The following RMND5A variants were observed in gnomAD, a reference collection of about 807,000 sequenced individuals.
RMND5A encodes E3 ubiquitin-protein transferase RMND5A.
RMND5A carries 17 observed loss-of-function variants against 49.7 expected under a neutral mutation model. The ratio of observed to expected loss-of-function variants is 0.34; its 90% CI spans 0.23 to 0.51. The LOEUF is 0.51. RMND5A is among the 20% of genes least tolerant of loss of function. RMND5A has a pLI of 0.96. For synonymous variants in RMND5A, 156 were observed against 167.7 expected, an observed-to-expected ratio of 0.93 and a Z score of 0.54; for missense variants, 255 against 471.3, an observed-to-expected ratio of 0.54 and a Z score of 4.25.
intron 7 of RMND5A, among the ~76,000 whole-genome samples, chr2:86,771,014 C>T (rs1446580198): frequency 6.6e-6 from 1 of 152,202 alleles, no homozygotes; most frequent in Non-Finnish European, 1.5e-5. Context: ...GTTCTTCCAG[C>T]AGGTAACCCT....
intron 2 of RMND5A, among the ~76,000 whole-genome samples, chr2:86,742,760 G>C (rs2104390302): frequency 6.6e-6 from 1 of 150,648 alleles, no homozygotes; most frequent in South Asian, 2.1e-4. Context: ...AAGTTCTTGG[G>C]GACATCTGCT....
intron 2 of RMND5A, among the ~76,000 whole-genome samples, chr2:86,750,941 ATTGT>A (rs1558722542): frequency 6.6e-6 from 1 of 151,746 alleles, no homozygotes; most frequent in South Asian, 2.1e-4. Context: ...TTGTTTCAAG[ATTGT>A]TTGTATTTTT....
At chr2:86,744,135 T>C (rs538469518) in intron 2 of RMND5A, among the ~76,000 whole-genome samples, 1 of 152,164 alleles carries the variant, frequency 6.6e-6, no homozygotes, top group African/African-American at 2.4e-5. Context: ...ATTTTTGGCA[T>C]CTACTTGGCC....
rs376049506 is a variant in RMND5A at position 86,758,360 on chromosome 2, A to G, written c.521+4802A>G. Among the ~76,000 whole-genome samples, 4 of 152,108 alleles carry G rather than the reference A, an allele frequency of 2.6e-5. No homozygotes were observed. The South Asian group carries it at 8.3e-4, about 32-fold the overall frequency. ...TATTTGCCTATATCAGAGCATATAG[A>G]ACTATTTTTTTTTTTTGGTGGCTGC... On this transcript the variant is annotated intron_variant, in intron 4 of 8. Transcript: ENST00000283632.
chr2:86,736,436 G>A (rs1358833116), intron 1 of RMND5A, among the ~76,000 whole-genome samples: 6 of 95,492 alleles, frequency 6.3e-5, no homozygotes, highest in Non-Finnish European at 2.5e-5. Flanking sequence ...CACCCACCTC[G>A]GGCTCCCAAA....
chr2:86,743,275 C>T (rs938929185), intron 2 of RMND5A, among the ~76,000 whole-genome samples: 5 of 151,862 alleles, frequency 3.3e-5, no homozygotes, highest in Admixed American at 3.3e-4. Flanking sequence ...AATGAATAAT[C>T]TACATTCTGG....
intron 4 of RMND5A, among the ~76,000 whole-genome samples, chr2:86,760,502 C>G (rs1047081398): frequency 1.3e-5 from 2 of 152,178 alleles, no homozygotes; most frequent in Non-Finnish European, 2.9e-5. Flanking sequence ...GTATAAAATA[C>G]AGACTTCTCT....
chr2:86,766,491 C>G lies in RMND5A; in HGVS notation c.854+467C>G, dbSNP rs536040427. Among the ~76,000 whole-genome samples the G allele has an allele frequency of 2.6e-5, 4 of 151,980 alleles. No homozygotes were observed. The South Asian group carries it at 8.3e-4, about 32-fold the overall frequency. On this transcript the variant is annotated intron_variant, in intron 6 of 8. Transcript: ENST00000283632. ...CCAGCCTGGCCAACATAGTGAAACC[C>G]GCCTCTACTAAAAACACAAAAAATT...
chr2:86,743,346 T>C (rs1161373004), intron 2 of RMND5A, among the ~76,000 whole-genome samples: 1 of 151,714 alleles, frequency 6.6e-6, no homozygotes, highest in African/African-American at 2.4e-5. Context: ...TTTAATTTAC[T>C]CATTGCTCTT....
At chr2:86,757,872 G>T (rs1681770542) in intron 4 of RMND5A, among the ~76,000 whole-genome samples, 1 of 152,190 alleles carries the variant, frequency 6.6e-6, no homozygotes, top group Non-Finnish European at 1.5e-5. Flanking sequence ...ATTATTAGGG[G>T]CTGTGAAACA....
In RMND5A at chr2:86,775,471, A is replaced by C. The variant is rs867496251; in HGVS notation, c.*2060A>C. On this transcript the variant is annotated 3_prime_UTR_variant, in exon 9 of 9. Transcript: ENST00000283632. ...GATGTACTCTGAAGGCTGGTGGTAA[A>C]TGTGTTTGATGACCAGACTCTTCAT... 10 of 151,804 alleles carry C rather than the reference A, an allele frequency of 6.6e-5. No individual in the cohort carries two copies. The South Asian group carries it at 2.1e-3, about 31-fold the overall frequency. 9.4% of individuals were successfully genotyped at this position (151,804 alleles called of 1,614,324 possible).
intron 4 of RMND5A, among the ~76,000 whole-genome samples, chr2:86,759,552 A>T (rs1053426351): frequency 2.0e-5 from 3 of 151,914 alleles, no homozygotes; most frequent in Non-Finnish European, 4.4e-5. Context: ...GAAATTTGGG[A>T]TCAGAATTTT....
intron 1 of RMND5A, among the ~76,000 whole-genome samples, chr2:86,732,302 C>T (rs1336375985): frequency 1.3e-5 from 2 of 150,146 alleles, no homozygotes; most frequent in Non-Finnish European, 2.9e-5. Flanking sequence ...TGTGTTTGTG[C>T]AGTTGAACCC....
chr2:86,726,724 C>T (rs1681287011), intron 1 of RMND5A, among the ~76,000 whole-genome samples: 1 of 77,838 alleles, frequency 1.3e-5, no homozygotes, highest in African/African-American at 4.8e-5. Flanking sequence ...TATTTGGCAC[C>T]GTATTCATTT....
chr2:86,752,484 A>G (rs1463591511), intron 3 of RMND5A, among the ~76,000 whole-genome samples: 1 of 152,220 alleles, frequency 6.6e-6, no homozygotes, highest in African/African-American at 2.4e-5. Flanking sequence ...TATTTCTATC[A>G]CACATGAGTT....
chr2:86,765,236 A>G (rs767957451), intron 5 of RMND5A, 43 bp downstream of exon 5: 7 of 1,522,392 alleles, frequency 4.6e-6, no homozygotes, highest in Non-Finnish European at 6.3e-6. Context: ...AAACAGGGCT[A>G]TAGCCACCAC....
At chr2:86,758,880 T>A (rs1378990390) in intron 4 of RMND5A, among the ~76,000 whole-genome samples, 1 of 152,234 alleles carries the variant, frequency 6.6e-6, no homozygotes, top group East Asian at 1.9e-4. Flanking sequence ...ATTCTCTGAA[T>A]TTTTTTAAGC....
chr2:86,749,697 T>C (rs1681600215), intron 2 of RMND5A, among the ~76,000 whole-genome samples: 1 of 152,176 alleles, frequency 6.6e-6, no homozygotes, highest in South Asian at 2.1e-4. Flanking sequence ...CCCCGTTATT[T>C]CTATTCTTTA....
In RMND5A at chr2:86,752,004, C is replaced by T. The variant is rs1322814404; in HGVS notation, c.394C>T (p.Leu132=). The change falls in exon 3 of 9, where the codon CTG becomes TTG. Residue 132 remains leucine (L), a synonymous_variant. Coordinates refer to ENST00000283632, the MANE Select transcript of RMND5A (RefSeq NM_022780.4). ...MVEHFFRQGM[L]DVAEELCQES... ...GGAGCACTTCTTTCGACAAGGAATGCTGGATGTGGCTGAGGAGCTCTGTCA... is the reference window on the plus strand; with the variant it reads ...GGAGCACTTCTTTCGACAAGGAATGTTGGATGTGGCTGAGGAGCTCTGTCA... The T allele has an allele frequency of 6.2e-7, 1 of 1,613,834 alleles. No homozygotes were observed. Among genetic ancestry groups the T allele is most frequent in the Non-Finnish European group, 8.5e-7 (1 of 1,179,900 alleles).
Sources: allele counts gnomAD v4.1 joint callset (sites outside exome capture counted in the v4.1 genomes callset), GRCh38; gene constraint gnomAD v4.1.1; transcripts MANE v1.5; gene names NCBI Gene and HGNC (gene_info 2026-07-23, HGNC 2026-07-21).